The following RAG1 variants were observed in gnomAD, a reference collection of about 807,000 sequenced individuals.
RAG1 encodes recombination activating 1.
RAG1 carries 35 observed loss-of-function variants against 62.7 expected under a neutral mutation model. That is an observed-to-expected ratio of 0.56 (90% CI 0.43 to 0.74). The LOEUF is 0.74. Among genes scored for constraint, RAG1 ranks in the 30% least tolerant of loss-of-function variants. The probability of loss-of-function intolerance (pLI) is 0.00; values close to 1 mark genes in which losing one functional copy is unlikely to be tolerated. For synonymous variants in RAG1, 461 were observed against 470.3 expected, an observed-to-expected ratio of 0.98 and a Z score of 0.26; for missense variants, 1,169 against 1,278.6, an observed-to-expected ratio of 0.91 and a Z score of 1.31.
intron 2 of RAG1, among the ~76,000 whole-genome samples, chr11:36,528,960 T>C (rs1015269773): frequency 9.2e-5 from 14 of 152,130 alleles, no homozygotes; most frequent in Admixed American, 2.6e-4. Flanking sequence ...GTCGAATCTC[T>C]GTATAGACCA....
chr11:36,542,736 G>A (rs184120103), intron 3 of RAG1, among the ~76,000 whole-genome samples: 29 of 152,304 alleles, frequency 1.9e-4, no homozygotes, highest in African/African-American at 6.7e-4. Flanking sequence ...CGTGCCACAT[G>A]CAGGCAATAA....
chr11:36,518,012 C>CGT (rs1564974123), intron 1 of RAG1, among the ~76,000 whole-genome samples: 2 of 134,828 alleles, frequency 1.5e-5, no homozygotes, highest in African/African-American at 5.6e-5. Flanking sequence ...CAACAGTTCC[C>CGT]GGTGTGTGAT....
chr11:36,542,653 G>A (rs1438962169), intron 3 of RAG1, among the ~76,000 whole-genome samples: 2 of 152,170 alleles, frequency 1.3e-5, no homozygotes, highest in African/African-American at 4.8e-5. Flanking sequence ...ACAGTGAGAG[G>A]AGAATTGGGA....
intron 3 of RAG1, among the ~76,000 whole-genome samples, chr11:36,557,801 C>A (rs1318543709): frequency 6.6e-6 from 1 of 152,156 alleles, no homozygotes; most frequent in Non-Finnish European, 1.5e-5. Context: ...TAATATGTAT[C>A]CTCAAGTTTT....
downstream of RAG1, among the ~76,000 whole-genome samples, chr11:36,540,553 C>T (rs867277766): frequency 2.1e-4 from 32 of 152,146 alleles, no homozygotes; most frequent in African/African-American, 7.7e-4. Flanking sequence ...TACAGGCGCC[C>T]GCCACCACGC....
rs4151036 is a variant in RAG1, at chr11:36,576,834, G to A, written c.*398G>A. The A allele has an allele frequency of 9.3e-3, 2,059 of 220,736 alleles. 28 individuals carry two copies. The highest frequency in any genetic ancestry group is 0.044 in the African/African-American group (1,923 of 43,454). The allele number at this position is 220,736 out of a possible 1,614,324, so 13.7% of individuals were successfully genotyped here. Reference sequence around the variant, plus strand: ...GTTTTCATTTTTTTCCCCCTTGATTGATTATATTTTGTATTGAGATATGAT... The same window carrying A: ...GTTTTCATTTTTTTCCCCCTTGATTAATTATATTTTGTATTGAGATATGAT... On this transcript the variant is annotated 3_prime_UTR_variant, in exon 2 of 2. Coordinates refer to ENST00000299440, the MANE Select transcript of RAG1 (RefSeq NM_000448.3).
In RAG1 at chr11:36,576,170, A is replaced by G; in HGVS notation, c.2866A>G (p.Ile956Val). ...TGAAATTATTGAGAGGGATGGCTCC[A>G]TTGGGGCATGGGCAAGTGAGGGAAA... ...VPEIIERDGS[I>V]GAWASEGNES... is the part of the protein sequence containing the mutation. The change falls in exon 2 of 2, where the codon ATT becomes GTT. Residue 956 changes from isoleucine (I) to valine (V), a missense_variant. Physicochemically the swap from Ile to Val is conservative, Grantham distance 29 (BLOSUM62 3). Transcript: ENST00000299440. 6.2e-7 allele frequency: 1 copy of G among 1,614,128 alleles called. No homozygotes were observed. Among genetic ancestry groups the G allele is most frequent in the Middle Eastern group, 1.6e-4 (1 of 6,062 alleles).
upstream of RAG1, chr11:36,510,377 G>C (rs1270307655): frequency 1.3e-5 from 2 of 152,340 alleles, no homozygotes; most frequent in Admixed American, 1.3e-4. Flanking sequence ...ACTGTGGCGC[G>C]GGCCGGGCGG....
At chr11:36,572,323 C>CT (rs1298739139) in intron 1 of RAG1, among the ~76,000 whole-genome samples, 1 of 152,194 alleles carries the variant, frequency 6.6e-6, no homozygotes, top group Non-Finnish European at 1.5e-5. Context: ...CATTGTTTGA[C>CT]TTTTTTTCTG....
At chr11:36,565,835 A>T (rs1000603635), upstream of RAG1, 1 of 152,218 alleles carries the variant, frequency 6.6e-6, no homozygotes, top group Non-Finnish European at 1.5e-5. Context: ...TTCAACACGG[A>T]TGGGAGAAAT....
chr11:36,575,787 A>G lies in RAG1; in HGVS notation c.2483A>G (p.Glu828Gly). 1 of 1,614,228 alleles carries G rather than the reference A, an allele frequency of 6.2e-7. No individual in the cohort carries two copies. Among genetic ancestry groups the G allele is most frequent in the Non-Finnish European group, 8.5e-7 (1 of 1,180,050 alleles). The change falls in exon 2 of 2, where the codon GAA (glutamate) becomes GGA (glycine). Residue 828 changes from glutamate (E) to glycine (G), a missense_variant. Glu to Gly is a moderately conservative substitution (Grantham distance 98, BLOSUM62 -2). Around this residue, in one of 2 missense-constraint regions of RAG1, gnomAD observed 800 missense variants for 943.3 expected, o/e 0.85. Transcript: ENST00000299440. This position sits in a 1 kb window ranked among gnomAD's most constrained non-coding sequence, Gnocchi z 4.1. The part of the protein sequence containing the change: ...VYKNPNASKE[E>G]RKRWQATLDK... ...AAGAATCCCAATGCTTCCAAAGAGGAAAGGAAAAGGTGGCAGGCCACACTG... is the reference window on the plus strand; with the variant it reads ...AAGAATCCCAATGCTTCCAAAGAGGGAAGGAAAAGGTGGCAGGCCACACTG...
chr11:36,574,179 C>T lies in RAG1; in HGVS notation c.875C>T (p.Ser292Phe), dbSNP rs1225342881. Residue 292 changes from serine (S) to phenylalanine (F), a missense_variant, in exon 2 of 2, where the codon TCC (serine) becomes TTC (phenylalanine). Ser to Phe is a radical substitution (Grantham distance 155, BLOSUM62 -2). This residue lies in a region of RAG1 where 800 missense variants were observed against 943.3 expected (regional missense o/e 0.85). Coordinates refer to ENST00000299440, the MANE Select transcript of RAG1 (RefSeq NM_000448.3). ...DFPEHFVKSI[S>F]CQICEHILAD... The stretch of plus-strand genomic sequence containing the variant: ...CCAGAGCACTTTGTGAAATCCATCT[C>T]CTGCCAGATCTGTGAACACATTCTG... 1.9e-6 allele frequency: 3 copies of T among 1,614,064 alleles called. No individual in the cohort carries two copies. The highest frequency in any genetic ancestry group is 2.7e-5 in the African/African-American group (2 of 74,922).
chr11:36,521,575 A>C (rs1348072085), intron 2 of RAG1, among the ~76,000 whole-genome samples: 1 of 152,156 alleles, frequency 6.6e-6, no homozygotes, highest in Non-Finnish European at 1.5e-5. Context: ...GTGAAAAAGG[A>C]CTATTACAGT....
rs147510686 is a variant in RAG1 at position 36,569,400 on chromosome 11, A to G, written c.-15+1278A>G. Among the ~76,000 whole-genome samples the G allele has an allele frequency of 1.3e-4, 20 of 152,322 alleles. No individual in the cohort carries two copies. The East Asian group carries it at 3.9e-3, about 29-fold the overall frequency. On this transcript the variant is annotated intron_variant, in intron 1 of 1. Coordinates refer to ENST00000299440, the MANE Select transcript of RAG1 (RefSeq NM_000448.3). The stretch of plus-strand genomic sequence containing the variant: ...CTGAGACCTTTTGTTAGAAGAGAGG[A>G]GATCAAGCATTTGCAAGGTTTCTGA...
chr11:36,551,619 T>TA (rs1491571414), intron 3 of RAG1, among the ~76,000 whole-genome samples: 7 of 137,818 alleles, frequency 5.1e-5, no homozygotes, highest in African/African-American at 1.1e-4. Flanking sequence ...TTTTTTTTTT[T>TA]ATTATACTCT....
Position 36,574,828 on chromosome 11 carries a change from T to G in RAG1, c.1524T>G (p.Asn508Lys). 1 of 1,614,246 alleles carries G rather than the reference T, an allele frequency of 6.2e-7. No homozygotes were observed. Among genetic ancestry groups the G allele is most frequent in the Non-Finnish European group, 8.5e-7 (1 of 1,180,038 alleles). The stretch of plus-strand genomic sequence containing the variant: ...TTCAGCCTTTGCATGCCCTTCGGAA[T>G]GCTGAGAAGGTACTTCTGCCAGGCT... ...QIFQPLHALR[N>K]AEKVLLPGYH... Residue 508 changes from asparagine (N) to lysine (K), a missense_variant, in exon 2 of 2, where the codon AAT becomes AAG. Transcript: ENST00000299440.
chr11:36,576,037 G>C lies in RAG1; in HGVS notation c.2733G>C (p.Gln911His), dbSNP rs2133298067. The change falls in exon 2 of 2, where the codon CAG becomes CAC. Residue 911 changes from glutamine (Q) to histidine (H), a missense_variant. Coordinates refer to ENST00000299440, the MANE Select transcript of RAG1 (RefSeq NM_000448.3). ...PAKECPESLC[Q>H]YSFNSQRFAE... ...AAGAGTGCCCAGAATCCCTCTGCCA[G>C]TACAGTTTCAATTCACAGCGTTTTG... The C allele has an allele frequency of 1.2e-6, 2 of 1,614,136 alleles. No homozygotes were observed. Among genetic ancestry groups the C allele is most frequent in the Non-Finnish European group, 1.7e-6 (2 of 1,180,042 alleles).
At chr11:36,568,663 G>A (rs4151002) in intron 1 of RAG1, among the ~76,000 whole-genome samples, 16,074 of 152,246 alleles carry the variant, frequency 0.11, 1,105 homozygotes, top group Admixed American at 0.18. Context: ...TTTGGGACCT[G>A]ATGATCTGCA....
chr11:36,515,515 T>C (rs571887855), intron 1 of RAG1: 1 of 152,408 alleles, frequency 6.6e-6, no homozygotes, highest in Admixed American at 6.5e-5. Flanking sequence ...TACAGGATTC[T>C]GGCCTTAAAA....
Sources: allele counts gnomAD v4.1 joint callset (sites outside exome capture counted in the v4.1 genomes callset), GRCh38; gene constraint gnomAD v4.1.1; regional missense constraint gnomAD v4.1.1; non-coding constraint Gnocchi (gnomAD v3.1); transcripts MANE v1.5; gene names NCBI Gene and HGNC (gene_info 2026-07-23, HGNC 2026-07-21).